The following MAGI2 variants were observed in gnomAD, a reference collection of about 807,000 sequenced individuals.
MAGI2 encodes the protein membrane associated guanylate kinase, WW and PDZ domain containing 2.
Under a neutral mutation model 133.3 loss-of-function variants are expected in MAGI2, and 35 were observed. The observed-to-expected ratio is 0.26, with a 90% CI of 0.20 to 0.35. The LOEUF is 0.35. MAGI2 is among the 10% of genes least tolerant of loss of function. The probability of loss-of-function intolerance (pLI) is 1.00; values close to 1 mark genes in which losing one functional copy is unlikely to be tolerated. For missense variants in MAGI2, 1,636 were observed against 1,863.4 expected (o/e 0.88, Z 2.25); for synonymous variants, 729 against 710.6 (o/e 1.03, Z -0.41).
At chr7:78,667,889 C>T (rs1311492227) in intron 2 of MAGI2, among the ~76,000 whole-genome samples, 1 of 152,136 alleles carries the variant, frequency 6.6e-6, no homozygotes, top group East Asian at 1.9e-4. Flanking sequence ...GATTTATACT[C>T]CTTTGGGTAT....
chr7:78,583,820 A>C (rs933885658), intron 3 of MAGI2, among the ~76,000 whole-genome samples: 14 of 152,160 alleles, frequency 9.2e-5, no homozygotes, highest in Non-Finnish European at 2.1e-4. Flanking sequence ...GGCAGGGGAG[A>C]ATGAGATGAT....
At chr7:78,307,642 T>G (rs1189523543) in intron 9 of MAGI2, among the ~76,000 whole-genome samples, 1 of 152,050 alleles carries the variant, frequency 6.6e-6, no homozygotes, top group African/African-American at 2.4e-5. Flanking sequence ...CAGCAATAAT[T>G]AGAGAGAAAT....
intron 2 of MAGI2, among the ~76,000 whole-genome samples, chr7:78,731,943 C>T (rs769114344): frequency 2.0e-5 from 3 of 152,078 alleles, no homozygotes; most frequent in Non-Finnish European, 2.9e-5. Flanking sequence ...AATCCACATA[C>T]TCCAGGCCAA....
intron 1 of MAGI2, among the ~76,000 whole-genome samples, chr7:79,301,050 T>A (rs2129559690): frequency 6.6e-6 from 1 of 152,286 alleles, no homozygotes; most frequent in Admixed American, 6.5e-5. Flanking sequence ...TCAGAGGATG[T>A]ATGGAAAAGC....
At chr7:78,222,877 A>G (rs1236221830) in intron 10 of MAGI2, among the ~76,000 whole-genome samples, 2 of 152,210 alleles carry the variant, frequency 1.3e-5, no homozygotes, top group Non-Finnish European at 2.9e-5. Flanking sequence ...AAACCAAATA[A>G]TTAACACTGA....
intron 21 of MAGI2, among the ~76,000 whole-genome samples, chr7:78,047,171 G>A (rs1353470973): frequency 6.6e-6 from 1 of 152,276 alleles, no homozygotes; most frequent in East Asian, 1.9e-4. Flanking sequence ...ATCTTAATAG[G>A]AAAGAAACAG....
chr7:78,771,435 A>G (rs1418359221), intron 2 of MAGI2: 1 of 152,236 alleles, frequency 6.6e-6, no homozygotes. Flanking sequence ...ACACAGGCAC[A>G]TTTACATTAC....
At chr7:79,184,975 G>A (rs1277834907) in intron 1 of MAGI2, among the ~76,000 whole-genome samples, 1 of 151,718 alleles carries the variant, frequency 6.6e-6, no homozygotes, top group Non-Finnish European at 1.5e-5. Context: ...AAAGGGCCAT[G>A]ATCAAGTGAC....
At chr7:79,448,182 C>T (rs1848993581) in intron 1 of MAGI2, among the ~76,000 whole-genome samples, 1 of 151,810 alleles carries the variant, frequency 6.6e-6, no homozygotes, top group Admixed American at 6.6e-5. Context: ...CAGATGTTTA[C>T]ACATAAAGGG....
At chr7:78,658,292 A>AT (rs1267465840) in intron 2 of MAGI2, among the ~76,000 whole-genome samples, 1 of 152,048 alleles carries the variant, frequency 6.6e-6, no homozygotes, top group East Asian at 1.9e-4. Flanking sequence ...TGGTTTTTAA[A>AT]AAACGACTTT....
At chr7:79,028,244 T>G (rs1160623475) in intron 1 of MAGI2, among the ~76,000 whole-genome samples, 3 of 38,824 alleles carry the variant, frequency 7.7e-5, no homozygotes, top group African/African-American at 2.8e-4. Context: ...TGTATATATA[T>G]ATATATATAT....
Position 78,160,986 on chromosome 7 carries a change from T to A in MAGI2, c.2597-713A>T, listed in dbSNP as rs74605426. On this transcript the variant is annotated intron_variant, in intron 15 of 21. Coordinates refer to ENST00000354212, the MANE Select transcript of MAGI2 (RefSeq NM_012301.4). ...TTTTTGTATATCAGCCATATCACAA[T>A]GAAGTGGCTTAAAAGAATAAATAAA... Among the ~76,000 whole-genome samples the A allele has an allele frequency of 5.2e-3, 797 of 152,350 alleles. 8 individuals carry two copies. Among genetic ancestry groups the A allele is most frequent in the African/African-American group, 0.018 (764 of 41,576 alleles).
chr7:78,618,803 T>G (rs1436308429), intron 3 of MAGI2: 1 of 151,680 alleles, frequency 6.6e-6, no homozygotes, highest in Non-Finnish European at 1.5e-5. Context: ...CACTTACATC[T>G]GGAATCAAAA....
intron 1 of MAGI2, among the ~76,000 whole-genome samples, chr7:79,418,826 C>CACAT (rs1433031349): frequency 5.0e-5 from 6 of 119,614 alleles, no homozygotes; most frequent in Non-Finnish European, 8.7e-5. Flanking sequence ...AGTTCCAATA[C>CACAT]ACATACACAC....
chr7:79,380,137 A>G (rs10267762), intron 1 of MAGI2, among the ~76,000 whole-genome samples: 3,202 of 151,982 alleles, frequency 0.021, 98 homozygotes, highest in African/African-American at 0.075. Flanking sequence ...AAAAGCCAGA[A>G]TTGACAAATG....
At chr7:78,152,418 G>A (rs1823972077) in intron 16 of MAGI2, among the ~76,000 whole-genome samples, 1 of 152,308 alleles carries the variant, frequency 6.6e-6, no homozygotes, top group Non-Finnish European at 1.5e-5. Context: ...GCAGATATTT[G>A]TATCAGGAGT....
At chr7:78,239,641 C>T (rs142272594) in intron 10 of MAGI2, among the ~76,000 whole-genome samples, 1 of 152,142 alleles carries the variant, frequency 6.6e-6, no homozygotes, top group African/African-American at 2.4e-5. Context: ...AAATGGCCAA[C>T]AAGTATATGG....
At chr7:78,701,490 C>T (rs1818068199) in intron 2 of MAGI2, among the ~76,000 whole-genome samples, 1 of 151,906 alleles carries the variant, frequency 6.6e-6, no homozygotes, top group South Asian at 2.1e-4. Flanking sequence ...TTTTGCTCTT[C>T]AGAAGCCAAG....
At position 78,017,856 on chromosome 7, in the gene MAGI2, A is replaced by G. The variant is rs1274238682; in HGVS notation, c.*1459T>C. 1 of 152,254 alleles carries G rather than the reference A, an allele frequency of 6.6e-6. No individual in the cohort carries two copies. The highest frequency in any genetic ancestry group is 2.1e-4 in the South Asian group (1 of 4,826). The allele number at this position is 152,254 out of a possible 1,614,324, so 9.4% of individuals were successfully genotyped here. Reference sequence around the variant, plus strand: ...TACTTTTTAGACTACAAGTGCAGGGAGGTGGAGCTTATTTGCATTTGAACT... The same window carrying G: ...TACTTTTTAGACTACAAGTGCAGGGGGGTGGAGCTTATTTGCATTTGAACT... On this transcript the variant is annotated 3_prime_UTR_variant, in exon 22 of 22. Transcript: ENST00000354212.
Sources: allele counts gnomAD v4.1 joint callset (sites outside exome capture counted in the v4.1 genomes callset), GRCh38; gene constraint gnomAD v4.1.1; transcripts MANE v1.5; gene names NCBI Gene and HGNC (gene_info 2026-07-23, HGNC 2026-07-21).